The following GFOD1 variants were observed in gnomAD, a reference collection of about 807,000 sequenced individuals.
The protein encoded by GFOD1 is glucose-fructose oxidoreductase domain-containing protein 1.
In GFOD1, 9 loss-of-function variants were observed where a neutral mutation model predicts 25.4. The ratio of observed to expected loss-of-function variants is 0.35; its 90% CI spans 0.21 to 0.62. GFOD1 has a LOEUF of 0.62. Among genes scored for constraint, GFOD1 ranks in the 20% least tolerant of loss-of-function variants. GFOD1 has a pLI of 0.72. For missense variants in GFOD1, 403 were observed against 556.9 expected, an observed-to-expected ratio of 0.72 and a Z score of 2.78; for synonymous variants, 253 against 245.6, an observed-to-expected ratio of 1.03 and a Z score of -0.28.
intron 1 of GFOD1, among the ~76,000 whole-genome samples, chr6:13,422,573 C>T (rs752970667): frequency 6.6e-6 from 1 of 152,206 alleles, no homozygotes; most frequent in African/African-American, 2.4e-5. Context: ...AAAGTCAAGA[C>T]GTCTTTTACG....
At chr6:13,450,061 A>T (rs944618391) in intron 1 of GFOD1, among the ~76,000 whole-genome samples, 1 of 152,166 alleles carries the variant, frequency 6.6e-6, no homozygotes, top group Non-Finnish European at 1.5e-5. Flanking sequence ...CCCAGGTGAG[A>T]AGGCACACCA....
chr6:13,481,263 C>A (rs1050669717), intron 1 of GFOD1, among the ~76,000 whole-genome samples: 1 of 152,184 alleles, frequency 6.6e-6, no homozygotes, highest in African/African-American at 2.4e-5. Context: ...CAAAGTAACA[C>A]GTAAGCTGAG....
At chr6:13,399,471 T>C (rs565013) in intron 1 of GFOD1, among the ~76,000 whole-genome samples, 109,870 of 152,168 alleles carry the variant, frequency 0.72, 40,308 homozygotes, top group South Asian at 0.85. Context: ...AAACTGGCAA[T>C]GACTCAACAT....
At chr6:13,478,570 G>C (rs1330154488) in intron 1 of GFOD1, among the ~76,000 whole-genome samples, 1 of 152,224 alleles carries the variant, frequency 6.6e-6, no homozygotes, top group Non-Finnish European at 1.5e-5. Context: ...GGTCTCCGCA[G>C]CATTTGGTCA....
At chr6:13,407,783 G>A (rs967890762) in intron 1 of GFOD1, 1 of 186,106 alleles carries the variant, frequency 5.4e-6, no homozygotes, top group African/African-American at 2.4e-5. Flanking sequence ...GCCTCAGTCA[G>A]ATGGCTTTTC....
At chr6:13,416,490 AATG>A (rs1786164941) in intron 1 of GFOD1, among the ~76,000 whole-genome samples, 1 of 152,198 alleles carries the variant, frequency 6.6e-6, no homozygotes, top group South Asian at 2.1e-4. Flanking sequence ...GCTAAAAAGG[AATG>A]ATGAGAAGAA....
intron 1 of GFOD1, among the ~76,000 whole-genome samples, chr6:13,410,823 G>A (rs1786064575): frequency 6.6e-6 from 1 of 151,530 alleles, no homozygotes; most frequent in Non-Finnish European, 1.5e-5. Context: ...AGAGGAAGAA[G>A]GAGGGTAGAG....
At chr6:13,421,539 T>C (rs1786256594) in intron 1 of GFOD1, among the ~76,000 whole-genome samples, 1 of 151,194 alleles carries the variant, frequency 6.6e-6, no homozygotes, top group African/African-American at 2.4e-5. Context: ...TTCTGCAGGA[T>C]ATCCATCCAT....
Position 13,384,785 on chromosome 6 carries a change from T to C in GFOD1, c.254-19123A>G, listed in dbSNP as rs74524894. ...TTTTTCTGAGCTCTCTGATGCACTG[T>C]AAAATAATCAATTGCCTCTTAAAGG... On this transcript the variant is annotated intron_variant, in intron 1 of 1. Coordinates refer to ENST00000379287, the MANE Select transcript of GFOD1 (RefSeq NM_018988.4). 1.6e-3 allele frequency among the ~76,000 whole-genome samples: 251 copies of C among 152,322 alleles called. 3 individuals carry two copies. The highest frequency in any genetic ancestry group is 5.5e-3 in the African/African-American group (228 of 41,558).
chr6:13,407,402 A>G (rs1398467059), intron 1 of GFOD1, among the ~76,000 whole-genome samples: 2 of 152,126 alleles, frequency 1.3e-5, no homozygotes, highest in Admixed American at 1.3e-4. Context: ...CACCCCTACC[A>G]GCTCCCGGGC....
Position 13,390,720 on chromosome 6 carries a change from TGA to T in GFOD1, c.254-25060_254-25059del, listed in dbSNP as rs775525815. On this transcript the variant is annotated intron_variant, in intron 1 of 1. Transcript: ENST00000379287. ...CCAGCCTGGTGACAGTGAGACCCTGTGAAAAAAAAAAAAAGAAAGAAAGACAG... is the reference window on the plus strand; with the variant it reads ...CCAGCCTGGTGACAGTGAGACCCTGTAAAAAAAAAAAAGAAAGAAAGACAG... 1.4e-3 allele frequency among the ~76,000 whole-genome samples: 134 copies of T among 97,868 alleles called. 1 individual carries two copies. The Middle Eastern group carries it at 0.025, about 18-fold the overall frequency. 64.2% of individuals were successfully genotyped at this position (97,868 alleles called of 152,430 possible).
At chr6:13,387,001 G>T (rs923604670) in intron 1 of GFOD1, among the ~76,000 whole-genome samples, 1 of 152,080 alleles carries the variant, frequency 6.6e-6, no homozygotes, top group Admixed American at 6.5e-5. Flanking sequence ...AGAGTCCCAG[G>T]ATAGATGATT....
intron 1 of GFOD1, among the ~76,000 whole-genome samples, chr6:13,455,435 T>G (rs1758171486): frequency 6.6e-6 from 1 of 152,160 alleles, no homozygotes; most frequent in Non-Finnish European, 1.5e-5. Context: ...ACCTTGTCAT[T>G]GGTTTGAATT....
At chr6:13,393,791 T>C (rs1490789750) in intron 1 of GFOD1, among the ~76,000 whole-genome samples, 1 of 147,916 alleles carries the variant, frequency 6.8e-6, no homozygotes, top group African/African-American at 2.5e-5. Context: ...TTTTTTTTTT[T>C]TTTTTTGAGA....
chr6:13,477,286 G>A (rs1758649242), intron 1 of GFOD1, among the ~76,000 whole-genome samples: 2 of 148,808 alleles, frequency 1.3e-5, no homozygotes, highest in South Asian at 2.2e-4. Flanking sequence ...GAATTGGCTC[G>A]CACAATTGTG....
chr6:13,439,764 A>G (rs376092237), intron 1 of GFOD1, among the ~76,000 whole-genome samples: 1 of 152,324 alleles, frequency 6.6e-6, no homozygotes, highest in East Asian at 1.9e-4. Flanking sequence ...AAACTTTTCA[A>G]GTCTTAAACA....
At chr6:13,395,581 G>A (rs1309319660) in intron 1 of GFOD1, among the ~76,000 whole-genome samples, 3 of 152,166 alleles carry the variant, frequency 2.0e-5, no homozygotes, top group African/African-American at 4.8e-5. Context: ...TTAAGCTCTC[G>A]GGGCTCCAGC....
intron 1 of GFOD1, among the ~76,000 whole-genome samples, chr6:13,471,646 C>T (rs1758507578): frequency 2.0e-5 from 3 of 152,206 alleles, no homozygotes; most frequent in African/African-American, 4.8e-5. Context: ...TATTGAGACA[C>T]CCATAGCCCA....
chr6:13,445,419 C>G (rs777927563), intron 1 of GFOD1, among the ~76,000 whole-genome samples: 1 of 152,162 alleles, frequency 6.6e-6, no homozygotes, highest in East Asian at 1.9e-4. Flanking sequence ...TCTGAAGAGA[C>G]CAAGATCCAA....
Sources: gnomAD v4.1 joint callset for allele counts (sites outside exome capture counted in the v4.1 genomes callset) on GRCh38, gnomAD v4.1.1 for gene constraint, MANE v1.5 for transcripts, NCBI Gene and HGNC (gene_info 2026-07-23, HGNC 2026-07-21) for gene names.